KAZN: variants seen among roughly 807,000 people sequenced by gnomAD.
KAZN encodes kazrin.
KAZN carries 40 observed loss-of-function variants against 87.4 expected under a neutral mutation model. The observed-to-expected ratio is 0.46, with a 90% CI of 0.36 to 0.60. The LOEUF (loss-of-function observed/expected upper bound fraction) is 0.60, where lower values mean the gene tolerates loss of function less well. Among genes scored for constraint, KAZN ranks in the 20% least tolerant of loss-of-function variants. The pLI, the probability that KAZN is intolerant of heterozygous loss-of-function variation, is 0.00. For synonymous variants in KAZN, 466 were observed against 458.3 expected (o/e 1.02, Z -0.22); for missense variants, 898 against 1,073.9 (o/e 0.84, Z 2.29).
chr1:14,959,194 G>A (rs949167006), intron 1 of KAZN, among the ~76,000 whole-genome samples: 1 of 152,190 alleles, frequency 6.6e-6, no homozygotes, highest in Non-Finnish European at 1.5e-5. Flanking sequence ...CGCCCCTAGA[G>A]CCAACATTGA....
intron 2 of KAZN, among the ~76,000 whole-genome samples, chr1:15,004,199 T>C (rs1668779942): frequency 6.6e-6 from 1 of 152,174 alleles, no homozygotes; most frequent in Admixed American, 6.5e-5. Context: ...CTCTAAAATG[T>C]GCACTTTTTG....
At chr1:13,960,006 A>T (rs941163359) in intron 1 of KAZN, among the ~76,000 whole-genome samples, 1 of 152,214 alleles carries the variant, frequency 6.6e-6, no homozygotes, top group African/African-American at 2.4e-5. Context: ...TGTGTATTTG[A>T]AGTTTTTCAT....
chr1:14,949,152 C>CAAA lies in KAZN; in HGVS notation c.227-11529_227-11527dup, dbSNP rs904376854. Among the ~76,000 whole-genome samples the CAAA allele has an allele frequency of 1.1e-5, 1 of 92,682 alleles. No individual in the cohort carries two copies. Among genetic ancestry groups the CAAA allele is most frequent in the Non-Finnish European group, 2.0e-5 (1 of 49,054 alleles). 60.8% of individuals were successfully genotyped at this position (92,682 alleles called of 152,430 possible). ...TGGGCAACAGAGTGAGACTCCGACT[C>CAAA]AAAAATAATAATAATAATAATAATA... On this transcript the variant is annotated intron_variant, in intron 1 of 14. Transcript: ENST00000376030. The surrounding 1 kb of genome is among the most constrained non-coding windows in gnomAD (Gnocchi z 4.3).
At chr1:15,052,525 A>G (rs1244758317) in intron 4 of KAZN, among the ~76,000 whole-genome samples, 1 of 152,014 alleles carries the variant, frequency 6.6e-6, no homozygotes, top group Non-Finnish European at 1.5e-5. Context: ...CAGCCAAACC[A>G]TATCAGTGCA....
intron 1 of KAZN, among the ~76,000 whole-genome samples, chr1:14,095,740 C>T (rs930566521): frequency 2.6e-5 from 4 of 152,122 alleles, no homozygotes; most frequent in Non-Finnish European, 4.4e-5. Context: ...AAACTTCTTA[C>T]ACGGTTTCTC....
chr1:14,298,094 G>T (rs749413480), intron 2 of KAZN, among the ~76,000 whole-genome samples: 1 of 152,248 alleles, frequency 6.6e-6, no homozygotes, highest in Non-Finnish European at 1.5e-5. Context: ...GTGTGGTGGC[G>T]CATGTCTGTA....
At chr1:14,970,406 T>C (rs1228705684) in intron 2 of KAZN, among the ~76,000 whole-genome samples, 1 of 152,230 alleles carries the variant, frequency 6.6e-6, no homozygotes, top group East Asian at 1.9e-4. Context: ...ACAGAGATCC[T>C]TTTAAATAGA....
chr1:14,514,759 C>G (rs1671214713), intron 2 of KAZN, among the ~76,000 whole-genome samples: 1 of 150,564 alleles, frequency 6.6e-6, no homozygotes, highest in Non-Finnish European at 1.5e-5. Flanking sequence ...ACGGTCTTGA[C>G]AAATGACTTC....
intron 2 of KAZN, among the ~76,000 whole-genome samples, chr1:14,395,530 A>G (rs1241283375): frequency 2.6e-5 from 4 of 152,122 alleles, no homozygotes; most frequent in African/African-American, 4.8e-5. Context: ...TGGGAGCTGC[A>G]GCTCCTGTGG....
intron 1 of KAZN, among the ~76,000 whole-genome samples, chr1:14,662,368 A>G (rs897868504): frequency 6.6e-6 from 1 of 152,078 alleles, no homozygotes; most frequent in Non-Finnish European, 1.5e-5. Flanking sequence ...CTAAGCCCCA[A>G]GAGTGGGCAG....
intron 2 of KAZN, among the ~76,000 whole-genome samples, chr1:14,989,954 G>A (rs578237545): frequency 2.6e-5 from 4 of 152,210 alleles, no homozygotes; most frequent in Admixed American, 2.0e-4. Context: ...AGTAGCTGCC[G>A]TGGGCTGGGG....
Position 14,407,872 on chromosome 1 carries a change from T to C in KAZN, c.250-191111T>C, listed in dbSNP as rs80316485. 5.2e-3 allele frequency among the ~76,000 whole-genome samples: 798 copies of C among 152,366 alleles called. 10 individuals are homozygous for C. The highest frequency in any genetic ancestry group is 0.018 in the African/African-American group (745 of 41,588). ...TTTCAGAGCTCCTGGAAAGTGCTTA[T>C]ATTGCTTTCAAAATGGGAAAATTAA... On this transcript the variant is annotated intron_variant, in intron 2 of 16. Coordinates refer to the KAZN transcript ENST00000636203.
At chr1:14,017,669 A>G (rs546085187) in intron 1 of KAZN, among the ~76,000 whole-genome samples, 1 of 152,340 alleles carries the variant, frequency 6.6e-6, no homozygotes, top group East Asian at 1.9e-4. Context: ...GCTCTTGAGT[A>G]AAATCCTTTG....
At chr1:14,730,581 G>A (rs1459894237) in intron 1 of KAZN, among the ~76,000 whole-genome samples, 1 of 152,076 alleles carries the variant, frequency 6.6e-6, no homozygotes, top group Non-Finnish European at 1.5e-5. Context: ...CCAGAAAAGG[G>A]CAGAACTAGG....
chr1:15,092,073 A>ATTTTTTTTTTTTTTTTT (rs58871336), intron 8 of KAZN, among the ~76,000 whole-genome samples: 2 of 75,474 alleles, frequency 2.6e-5, no homozygotes, highest in Non-Finnish European at 5.1e-5. Context: ...TTTTTTTTTG[A>ATTTTTTTTTTTTTTTTT]TTTTTTTTTT....
intron 2 of KAZN, among the ~76,000 whole-genome samples, chr1:14,372,231 A>C (rs1163693875): frequency 6.6e-6 from 1 of 152,258 alleles, no homozygotes. Context: ...ATATAGCTAT[A>C]GTGTGGTTGA....
intron 2 of KAZN, among the ~76,000 whole-genome samples, chr1:14,394,017 T>A (rs1339187225): frequency 6.6e-6 from 1 of 152,334 alleles, no homozygotes; most frequent in Admixed American, 6.5e-5. Context: ...GCAGCCTTGA[T>A]TGGCATTTAT....
At chr1:14,488,197 C>T (rs867978972) in intron 2 of KAZN, among the ~76,000 whole-genome samples, 1 of 152,198 alleles carries the variant, frequency 6.6e-6, no homozygotes, top group African/African-American at 2.4e-5. Context: ...CATGTAGAGG[C>T]TAATCATTTG....
At chr1:14,808,936 G>A (rs796649794) in intron 1 of KAZN, among the ~76,000 whole-genome samples, 23 of 152,256 alleles carry the variant, frequency 1.5e-4, no homozygotes, top group African/African-American at 4.8e-4. Flanking sequence ...ACAGCTCCAA[G>A]CATCACATCA....
Sources: gnomAD v4.1 joint callset for allele counts (sites outside exome capture counted in the v4.1 genomes callset) on GRCh38, gnomAD v4.1.1 for gene constraint, Gnocchi (gnomAD v3.1) non-coding constraint, MANE v1.5 for transcripts, NCBI Gene and HGNC (gene_info 2026-07-23, HGNC 2026-07-21) for gene names.